The following N4BP1 variants were observed in gnomAD, a reference collection of about 807,000 sequenced individuals.
N4BP1 encodes the protein NEDD4-binding protein 1.
N4BP1 carries 21 observed loss-of-function variants against 70.9 expected under a neutral mutation model. The observed-to-expected ratio is 0.30, with a 90% CI of 0.21 to 0.43. The LOEUF (loss-of-function observed/expected upper bound fraction) is 0.43, where lower values mean the gene tolerates loss of function less well. Among genes scored for constraint, N4BP1 ranks in the 20% least tolerant of loss-of-function variants. The probability of loss-of-function intolerance (pLI) is 1.00; values close to 1 mark genes in which losing one functional copy is unlikely to be tolerated. For synonymous variants in N4BP1, 387 were observed against 394.6 expected, an observed-to-expected ratio of 0.98 and a Z score of 0.23; for missense variants, 936 against 1,069.4, an observed-to-expected ratio of 0.88 and a Z score of 1.74.
chr16:48,547,333 A>ACCAGT (rs1317200382), intron 5 of N4BP1, among the ~76,000 whole-genome samples: 1 of 152,238 alleles, frequency 6.6e-6, no homozygotes, highest in Admixed American at 6.5e-5. Context: ...TGGTCAGGTG[A>ACCAGT]TACTGGTTAA....
chr16:48,551,943 A>C (rs1443018798), intron 3 of N4BP1, among the ~76,000 whole-genome samples: 1 of 152,114 alleles, frequency 6.6e-6, no homozygotes, highest in Non-Finnish European at 1.5e-5. Context: ...GCTTGAACCC[A>C]GGAGGCAGAG....
At chr16:48,608,688 G>A (rs75113506) in intron 1 of N4BP1, among the ~76,000 whole-genome samples, 1,900 of 150,682 alleles carry the variant, frequency 0.013, 36 homozygotes, top group African/African-American at 0.044. Flanking sequence ...TGCTGAAGAG[G>A]TCTGAAATGC....
chr16:48,597,525 C>T (rs946007492), intron 1 of N4BP1, among the ~76,000 whole-genome samples: 14 of 152,158 alleles, frequency 9.2e-5, no homozygotes, highest in African/African-American at 2.7e-4. Context: ...AGAATTGCTT[C>T]GGATGTTTTT....
At chr16:48,547,668 A>C (rs1963608407) in intron 5 of N4BP1, among the ~76,000 whole-genome samples, 1 of 152,164 alleles carries the variant, frequency 6.6e-6, no homozygotes, top group South Asian at 2.1e-4. Flanking sequence ...CTTTCACTTC[A>C]CAGCTGAGTA....
chr16:48,572,517 C>T (rs1431418102), intron 1 of N4BP1, among the ~76,000 whole-genome samples: 1 of 152,046 alleles, frequency 6.6e-6, no homozygotes, highest in Non-Finnish European at 1.5e-5. Flanking sequence ...CATTACATAT[C>T]GCATACAATA....
chr16:48,590,432 T>C (rs553553421), intron 1 of N4BP1, among the ~76,000 whole-genome samples: 7 of 152,064 alleles, frequency 4.6e-5, no homozygotes, highest in Non-Finnish European at 8.8e-5. Context: ...GCAGTTCCCC[T>C]GTCTTGATAA....
chr16:48,571,923 G>A (rs1964025704), intron 1 of N4BP1, among the ~76,000 whole-genome samples: 1 of 152,194 alleles, frequency 6.6e-6, no homozygotes, highest in South Asian at 2.1e-4. Flanking sequence ...CAGGAAGCCT[G>A]GGTGAGGTCA....
At position 48,542,763 on chromosome 16, in the gene N4BP1, C is replaced by T. The variant is rs111733638; in HGVS notation, c.*141G>A. 3 of 720,038 alleles carry T rather than the reference C, an allele frequency of 4.2e-6. No individual in the cohort carries two copies. Among genetic ancestry groups the T allele is most frequent in the Non-Finnish European group, 6.2e-6 (3 of 482,478 alleles). The allele number at this position is 720,038 out of a possible 1,614,324, so 44.6% of individuals were successfully genotyped here. A position where few individuals can be genotyped will look rare whatever the true frequency, so the allele number is the denominator to read the frequency against. On this transcript the variant is annotated 3_prime_UTR_variant, in exon 7 of 7. Transcript: ENST00000262384. ...TGGTTTTGAAAACCCAGATTTATAC[C>T]CAAAACATTTTTTTTCTGTACAACT...
At chr16:48,609,246 C>A (rs1334000914) in intron 1 of N4BP1, among the ~76,000 whole-genome samples, 2 of 152,090 alleles carry the variant, frequency 1.3e-5, no homozygotes, top group African/African-American at 4.8e-5. Flanking sequence ...AACATAAATC[C>A]TTTCTTTCTG....
intron 1 of N4BP1, among the ~76,000 whole-genome samples, chr16:48,568,871 CTTTGGG>C (rs1431590138): frequency 2.0e-5 from 3 of 152,176 alleles, no homozygotes; most frequent in African/African-American, 7.2e-5. Flanking sequence ...GTGTGCAAAT[CTTTGGG>C]TTTATTCTGG....
At chr16:48,594,500 G>A (rs138214462) in intron 1 of N4BP1, among the ~76,000 whole-genome samples, 5 of 152,106 alleles carry the variant, frequency 3.3e-5, no homozygotes, top group African/African-American at 9.7e-5. Flanking sequence ...GATTATAGGT[G>A]TACGCCACTA....
chr16:48,553,859 A>T (rs578047520), intron 2 of N4BP1, among the ~76,000 whole-genome samples, 190 bp from the exon 3 acceptor site: 1 of 152,334 alleles, frequency 6.6e-6, no homozygotes, highest in Non-Finnish European at 1.5e-5. Flanking sequence ...AGAACTCTTA[A>T]TAGTGTCTTA....
At chr16:48,569,286 GT>G (rs1302334525) in intron 1 of N4BP1, among the ~76,000 whole-genome samples, 1 of 152,192 alleles carries the variant, frequency 6.6e-6, no homozygotes, top group Non-Finnish European at 1.5e-5. Flanking sequence ...TGAAACTTTT[GT>G]TTTAGCAGAT....
Position 48,561,463 on chromosome 16 carries a change from C to A in N4BP1, c.1180G>T (p.Asp394Tyr). The change falls in exon 2 of 7, where the codon GAC becomes TAC. Residue 394 changes from aspartate (D) to tyrosine (Y), a missense_variant. Around this residue, in one of 4 missense-constraint regions of N4BP1, gnomAD observed 515 missense variants for 491.7 expected, o/e 1.05. Transcript: ENST00000262384. ...IEKENKRFQE[D>Y]REFSAGTVYP... Reference sequence around the variant, plus strand: ...ACTGTACCAGCTGAAAATTCTCTGTCTTCTTGGAATCTTTTATTTTCTTTT... The same window carrying A: ...ACTGTACCAGCTGAAAATTCTCTGTATTCTTGGAATCTTTTATTTTCTTTT... 3 of 1,611,818 alleles carry A rather than the reference C, an allele frequency of 1.9e-6. No individual in the cohort carries two copies. The highest frequency in any genetic ancestry group is 2.5e-6 in the Non-Finnish European group (3 of 1,179,398).
intron 1 of N4BP1, among the ~76,000 whole-genome samples, chr16:48,582,694 GA>G (rs966769767): frequency 2.7e-3 from 409 of 151,648 alleles, no homozygotes; most frequent in African/African-American, 9.4e-3. Context: ...CTACGTATAG[GA>G]AAAAAAACGT....
At chr16:48,609,027 C>T (rs1396371229) in intron 1 of N4BP1, among the ~76,000 whole-genome samples, 1 of 131,948 alleles carries the variant, frequency 7.6e-6, no homozygotes, top group African/African-American at 2.8e-5. Context: ...CCTGCCCGGG[C>T]AACATAGTGA....
chr16:48,552,992 T>C (rs1395822585), intron 3 of N4BP1, among the ~76,000 whole-genome samples: 1 of 152,168 alleles, frequency 6.6e-6, no homozygotes, highest in Admixed American at 6.5e-5. Context: ...ATGTGTTAAG[T>C]TGCCTGGCAC....
chr16:48,593,929 T>C (rs1430821606), intron 1 of N4BP1, among the ~76,000 whole-genome samples: 3 of 139,278 alleles, frequency 2.2e-5, no homozygotes, highest in African/African-American at 5.6e-5. Context: ...TTGAAACCAG[T>C]AGGCGGAGGT....
intron 1 of N4BP1, among the ~76,000 whole-genome samples, chr16:48,589,929 C>T (rs1964308775): frequency 6.6e-6 from 1 of 152,138 alleles, no homozygotes; most frequent in Admixed American, 6.5e-5. Flanking sequence ...GACTCTGAAA[C>T]AAAACTGGTA....
Sources: allele counts gnomAD v4.1 joint callset (sites outside exome capture counted in the v4.1 genomes callset), GRCh38; gene constraint gnomAD v4.1.1; regional missense constraint gnomAD v4.1.1; transcripts MANE v1.5; gene names NCBI Gene and HGNC (gene_info 2026-07-23, HGNC 2026-07-21).